The following ST3GAL3 variants were observed in gnomAD, a reference collection of about 807,000 sequenced individuals.
ST3GAL3 encodes the protein CMP-N-acetylneuraminate-beta-1,4-galactoside alpha-2,3-sialyltransferase.
In ST3GAL3, 21 loss-of-function variants were observed where a neutral mutation model predicts 50.1. The observed-to-expected ratio is 0.42, with a 90% CI of 0.30 to 0.60. ST3GAL3 has a LOEUF of 0.60. ST3GAL3 is among the 20% of genes least tolerant of loss of function. The pLI is 0.19. For synonymous variants in ST3GAL3, 183 were observed against 190.0 expected (o/e 0.96, Z 0.30); for missense variants, 353 against 489.4 (o/e 0.72, Z 2.63).
chr1:43,815,753 A>G (rs2061153553), intron 4 of ST3GAL3, among the ~76,000 whole-genome samples: 1 of 152,232 alleles, frequency 6.6e-6, no homozygotes, highest in African/African-American at 2.4e-5. Context: ...TTATTAATTC[A>G]TAGAGGACTG....
intron 1 of ST3GAL3, among the ~76,000 whole-genome samples, chr1:43,719,459 C>G (rs1342834781): frequency 6.6e-6 from 1 of 151,612 alleles, no homozygotes; most frequent in South Asian, 2.1e-4. Flanking sequence ...CTCAGGAGTT[C>G]GAGACCAGCC....
At chr1:43,930,093 GA>G (rs1386655403) in intron 11 of ST3GAL3, 38 bp from the exon 12 acceptor site, 14 of 1,595,690 alleles carry the variant, frequency 8.8e-6, no homozygotes, top group Admixed American at 5.0e-5. Context: ...GTAAAGGTTT[GA>G]GCAAAGGCCC....
At chr1:43,864,770 G>T (rs2070877249) in intron 5 of ST3GAL3, among the ~76,000 whole-genome samples, 1 of 152,146 alleles carries the variant, frequency 6.6e-6, no homozygotes, top group African/African-American at 2.4e-5. Flanking sequence ...ACAACATTAG[G>T]TGGCTGGTAG....
rs370192865 is a variant in ST3GAL3 at position 43,908,829 on chromosome 1, G to A, written c.744+9102G>A. Among the ~76,000 whole-genome samples, 15 of 152,022 alleles carry A rather than the reference G, an allele frequency of 9.9e-5. No homozygotes were observed. In the East Asian group the frequency reaches 2.7e-3, roughly 27 times the overall value. Reference sequence around the variant, plus strand: ...ATATTTTTAGTAGAGATGGGGTTTCGCCATGTTGGCCAGGCTGCTCTCAAA... The same window carrying A: ...ATATTTTTAGTAGAGATGGGGTTTCACCATGTTGGCCAGGCTGCTCTCAAA... On this transcript the variant is annotated intron_variant, in intron 9 of 11. Coordinates refer to ENST00000347631, the MANE Select transcript of ST3GAL3 (RefSeq NM_006279.5).
chr1:43,763,061 G>T (rs772325728), intron 2 of ST3GAL3, among the ~76,000 whole-genome samples: 89 of 152,218 alleles, frequency 5.8e-4, no homozygotes, highest in Non-Finnish European at 6.0e-4. Flanking sequence ...CTTGCAAAAT[G>T]ATATATGCAC....
chr1:43,795,006 G>T (rs2058524396), intron 3 of ST3GAL3, among the ~76,000 whole-genome samples: 4 of 152,130 alleles, frequency 2.6e-5, no homozygotes, highest in Admixed American at 2.6e-4. Flanking sequence ...CTAGTGTGTT[G>T]ATATATTATT....
chr1:43,867,067 T>C lies in ST3GAL3; in HGVS notation c.303-27316T>C, dbSNP rs2071500879. ...GTCGCTTCAACCCGGGAGGCAGAGG[T>C]TGCAATGAGCCCAGATCACGCCACT... is the stretch of plus-strand genomic sequence containing the variant. On this transcript the variant is annotated intron_variant, in intron 5 of 11. Transcript: ENST00000347631. Among the ~76,000 whole-genome samples the C allele has an allele frequency of 2.0e-5, 3 of 151,656 alleles. No individual in the cohort carries two copies. The South Asian group carries it at 6.2e-4, about 32-fold the overall frequency.
At chr1:43,720,956 A>C (rs553262056) in intron 1 of ST3GAL3, among the ~76,000 whole-genome samples, 1 of 152,284 alleles carries the variant, frequency 6.6e-6, no homozygotes, top group African/African-American at 2.4e-5. Context: ...AAAGCAATGA[A>C]GTACTGGGCC....
intron 9 of ST3GAL3, among the ~76,000 whole-genome samples, chr1:43,903,170 C>A (rs531491542): frequency 1.3e-5 from 2 of 152,262 alleles, no homozygotes; most frequent in South Asian, 2.1e-4. Flanking sequence ...GTGGATCAAG[C>A]ATGAGGGTGG....
At chr1:43,789,607 G>A (rs1432123293) in intron 2 of ST3GAL3, among the ~76,000 whole-genome samples, 3 of 152,082 alleles carry the variant, frequency 2.0e-5, no homozygotes, top group Non-Finnish European at 2.9e-5. Flanking sequence ...ATGATGGCTC[G>A]TGCCTGTAAT....
chr1:43,709,197 G>T (rs1477908671), intron 1 of ST3GAL3, among the ~76,000 whole-genome samples: 1 of 152,166 alleles, frequency 6.6e-6, no homozygotes, highest in African/African-American at 2.4e-5. Flanking sequence ...GCTCATGGGT[G>T]GTTCCAGGGG....
intron 11 of ST3GAL3, among the ~76,000 whole-genome samples, chr1:43,929,654 C>T (rs966780945): frequency 1.3e-5 from 2 of 152,202 alleles, no homozygotes; most frequent in Admixed American, 1.3e-4. Flanking sequence ...CCCATAGCTC[C>T]TCTGATCTGG....
intron 5 of ST3GAL3, among the ~76,000 whole-genome samples, chr1:43,871,819 C>A (rs1236481755): frequency 7.2e-4 from 5 of 6,934 alleles, no homozygotes; most frequent in East Asian, 4.5e-3. Context: ...GAGGGAGAGG[C>A]TGGGGTGTGA....
chr1:43,788,818 A>G (rs1178356047), intron 2 of ST3GAL3, among the ~76,000 whole-genome samples: 1 of 152,218 alleles, frequency 6.6e-6, no homozygotes, highest in Non-Finnish European at 1.5e-5. Context: ...ATTATAGTGC[A>G]GTATAATGAA....
intron 9 of ST3GAL3, among the ~76,000 whole-genome samples, chr1:43,909,219 C>T (rs2080359079): frequency 6.6e-6 from 1 of 152,244 alleles, no homozygotes; most frequent in African/African-American, 2.4e-5. Context: ...ACTCCAAACT[C>T]CTGCCTCTCA....
intron 2 of ST3GAL3, chr1:43,738,751 G>C (rs1256767045): frequency 6.6e-6 from 1 of 152,142 alleles, no homozygotes; most frequent in Non-Finnish European, 1.5e-5. Context: ...GCTTGCCTTG[G>C]CTTCCCAAAG....
chr1:43,900,798 C>G (rs987946624), intron 9 of ST3GAL3: 6 of 152,424 alleles, frequency 3.9e-5, no homozygotes, highest in African/African-American at 1.4e-4. Context: ...AGGTAGCAAG[C>G]AAGAGAGAAG....
intron 1 of ST3GAL3, among the ~76,000 whole-genome samples, chr1:43,717,475 TTTTG>T (rs1488553466): frequency 6.6e-6 from 1 of 151,894 alleles, no homozygotes; most frequent in African/African-American, 2.4e-5. Flanking sequence ...AACATTTATA[TTTTG>T]TTTTTCTTTT....
intron 2 of ST3GAL3, among the ~76,000 whole-genome samples, chr1:43,752,188 A>C (rs1686411955): frequency 6.6e-6 from 1 of 152,174 alleles, no homozygotes; most frequent in Admixed American, 6.5e-5. Flanking sequence ...GCATCATGTT[A>C]TTTAATCTAC....
Sources: gnomAD v4.1 joint callset for allele counts (sites outside exome capture counted in the v4.1 genomes callset) on GRCh38, gnomAD v4.1.1 for gene constraint, MANE v1.5 for transcripts, NCBI Gene and HGNC (gene_info 2026-07-23, HGNC 2026-07-21) for gene names.